Variants in LRPPRC observed in about 807,000 individuals in gnomAD.
LRPPRC encodes leucine-rich PPR motif-containing protein, mitochondrial.
LRPPRC carries 120 observed loss-of-function variants against 180.3 expected under a neutral mutation model. That is an observed-to-expected ratio of 0.67 (90% CI 0.57 to 0.77). LRPPRC has a LOEUF of 0.77. Ranked by LOEUF, LRPPRC falls within the 30% of genes least tolerant of loss-of-function variation. The probability of loss-of-function intolerance (pLI) is 0.00; values close to 1 mark genes in which losing one functional copy is unlikely to be tolerated. For synonymous variants in LRPPRC, 723 were observed against 600.0 expected, an observed-to-expected ratio of 1.21 and a Z score of -3.00; for missense variants, 2,012 against 1,657.2, an observed-to-expected ratio of 1.21 and a Z score of -3.72.
At chr2:43,934,052 C>G in intron 25 of LRPPRC, 138 bp downstream of exon 25, 2 of 628,748 alleles carry the variant, frequency 3.2e-6, no homozygotes, top group Middle Eastern at 4.3e-4. Flanking sequence ...GCCGAGATCC[C>G]CCTCCCCCAA....
At chr2:43,917,863 C>T (rs553493497) in intron 29 of LRPPRC, among the ~76,000 whole-genome samples, 162 bp downstream of exon 29, 25 of 152,084 alleles carry the variant, frequency 1.6e-4, no homozygotes, top group African/African-American at 5.5e-4. Context: ...CCCAATTGCC[C>T]CAAAATGTTT....
At chr2:43,933,217 C>T (rs918391103) in intron 25 of LRPPRC, among the ~76,000 whole-genome samples, 1 of 152,096 alleles carries the variant, frequency 6.6e-6, no homozygotes, top group Non-Finnish European at 1.5e-5. Context: ...TTTCACAGTC[C>T]TCCTTTTCTA....
At chr2:43,980,584 AAGAGAGAG>A (rs5830779) in intron 2 of LRPPRC, among the ~76,000 whole-genome samples, 16 of 132,800 alleles carry the variant, frequency 1.2e-4, no homozygotes, top group African/African-American at 2.3e-4. Context: ...GAAAGAAAGA[AAGAGAGAG>A]AGAGAGAGAA....
At chr2:43,969,396 C>T (rs138705148) in intron 11 of LRPPRC, among the ~76,000 whole-genome samples, 95 of 147,154 alleles carry the variant, frequency 6.5e-4, no homozygotes, top group Admixed American at 3.7e-3. Context: ...GGCGACAGAG[C>T]GAGACTCCAT....
In LRPPRC at chr2:43,896,556, G is replaced by C. The variant is rs148569942; in HGVS notation, c.3900+78C>G. 6.2e-4 allele frequency: 583 copies of C among 941,952 alleles called. 1 individual carries two copies. In the African/African-American group the frequency reaches 8.6e-3, roughly 14 times the overall value. 58.3% of individuals were successfully genotyped at this position (941,952 alleles called of 1,614,324 possible). A position where few individuals can be genotyped will look rare whatever the true frequency, so the allele number is the denominator to read the frequency against. ...TCTCAAATAAGGTCCTGAAACAACA[G>C]GCTTTTATGTTAAATTCAATACTTC... is the stretch of plus-strand genomic sequence containing the variant. On this transcript the variant is annotated intron_variant, in intron 35 of 37. Transcript: ENST00000260665.
At chr2:43,891,639 CTG>C (rs750179555) in intron 36 of LRPPRC, among the ~76,000 whole-genome samples, 5 of 152,198 alleles carry the variant, frequency 3.3e-5, no homozygotes, top group Admixed American at 6.5e-5. Flanking sequence ...AGTAATTCTC[CTG>C]TCTTCCTCTA....
In LRPPRC at chr2:43,947,267, C is replaced by T. The variant is rs767630248; in HGVS notation, c.2069G>A (p.Cys690Tyr). 1.9e-6 allele frequency: 3 copies of T among 1,555,722 alleles called. No homozygotes were observed. Among genetic ancestry groups the T allele is most frequent in the Non-Finnish European group, 2.7e-6 (3 of 1,131,932 alleles). Residue 690 changes from cysteine to tyrosine, a missense_variant, in exon 20 of 38, where the codon TGT (cysteine) becomes TAT (tyrosine). Physicochemically the swap from Cys to Tyr is radical, Grantham distance 194. Transcript: ENST00000260665. ...TAAAACAAATGTTACCTCTTCTGAA[C>T]AAAGCACTAATATGAGTTGCTTTAG... ...DVLKQLILVL[C>Y]SEENMQKALE...
At chr2:43,934,945 TTAG>T in intron 23 of LRPPRC, 67 bp from the exon 24 acceptor site, 2 of 1,339,216 alleles carry the variant, frequency 1.5e-6, no homozygotes, top group South Asian at 2.4e-5. Flanking sequence ...TAGTAATACT[TTAG>T]AGAGATGTTT....
intron 13 of LRPPRC, among the ~76,000 whole-genome samples, chr2:43,959,682 A>G (rs1044792071): frequency 6.6e-6 from 1 of 152,156 alleles, no homozygotes; most frequent in African/African-American, 2.4e-5. Context: ...AGGCAGGCGG[A>G]TCACTTGTGG....
intron 1 of LRPPRC, among the ~76,000 whole-genome samples, chr2:43,985,086 A>C (rs1451507789): frequency 6.6e-6 from 1 of 151,678 alleles, no homozygotes; most frequent in Non-Finnish European, 1.5e-5. Flanking sequence ...AAGGGATCAG[A>C]TTATCCTACT....
chr2:43,899,978 A>C (rs1670828334), intron 32 of LRPPRC, among the ~76,000 whole-genome samples: 1 of 152,198 alleles, frequency 6.6e-6, no homozygotes, highest in African/African-American at 2.4e-5. Flanking sequence ...TTGGATATAA[A>C]ATGAAAACTT....
At chr2:43,933,051 G>C (rs918443569) in intron 25 of LRPPRC, among the ~76,000 whole-genome samples, 1 of 152,154 alleles carries the variant, frequency 6.6e-6, no homozygotes, top group Non-Finnish European at 1.5e-5. Context: ...AGAAGCGAAT[G>C]TGGAAGAAAA....
chr2:43,908,586 A>G (rs972219153), intron 30 of LRPPRC, among the ~76,000 whole-genome samples: 2 of 151,518 alleles, frequency 1.3e-5, no homozygotes, highest in African/African-American at 4.9e-5. Flanking sequence ...CAGTGGCGCA[A>G]TCTTGGCTCA....
intron 29 of LRPPRC, 151 bp from the exon 30 acceptor site, chr2:43,912,709 A>G (rs879149082): frequency 1.6e-6 from 1 of 625,756 alleles, no homozygotes; most frequent in Non-Finnish European, 2.9e-6. Flanking sequence ...ACACACTGAC[A>G]TAATTCTTCA....
intron 9 of LRPPRC, 70 bp from the exon 10 acceptor site, chr2:43,973,970 C>T: frequency 8.8e-7 from 1 of 1,139,882 alleles, no homozygotes; most frequent in Non-Finnish European, 1.3e-6. Flanking sequence ...TGCAAATATT[C>T]TACCACTTCT....
intron 27 of LRPPRC, among the ~76,000 whole-genome samples, chr2:43,922,163 T>C (rs1205692769): frequency 6.6e-6 from 1 of 152,138 alleles, no homozygotes; most frequent in East Asian, 1.9e-4. Flanking sequence ...AGAAATGAAG[T>C]TTGAATTAGG....
At position 43,912,503 on chromosome 2, in the gene LRPPRC, T is replaced by C. The variant is rs774157602; in HGVS notation, c.3204A>G (p.Glu1068=). The C allele has an allele frequency of 5.6e-6, 9 of 1,601,188 alleles. No homozygotes were observed. The South Asian group carries it at 9.9e-5, about 18-fold the overall frequency. Residue 1068 remains glutamate, a synonymous_variant, in exon 30 of 38, where the codon GAA becomes GAG. Transcript: ENST00000260665. The part of the protein sequence containing the change: ...AKEQNIVFNA[E]TYSNLIKLLM... ...GTAATTTAATGAGATTGCTGTAGGT[T>C]TCAGCATTAAACACAATGTTTTGCT...
chr2:43,968,770 G>C (rs1324934727), intron 11 of LRPPRC, among the ~76,000 whole-genome samples: 2 of 152,208 alleles, frequency 1.3e-5, no homozygotes, highest in Non-Finnish European at 2.9e-5. Context: ...CTGTTAATAA[G>C]ATGAGTAAGT....
chr2:43,951,661 T>G (rs981099564), intron 14 of LRPPRC, among the ~76,000 whole-genome samples: 1 of 152,152 alleles, frequency 6.6e-6, no homozygotes, highest in Non-Finnish European at 1.5e-5. Context: ...AGGGGAATGG[T>G]AAAACAGGAC....
Sources: gnomAD v4.1 joint callset for allele counts (sites outside exome capture counted in the v4.1 genomes callset) on GRCh38, gnomAD v4.1.1 for gene constraint, MANE v1.5 for transcripts, NCBI Gene and HGNC (gene_info 2026-07-23, HGNC 2026-07-21) for gene names.